Variants in ABCA5 observed in about 807,000 individuals in gnomAD.
ABCA5 encodes the protein ATP binding cassette subfamily A member 5, also known as cholesterol transporter ABCA5.
Under a neutral mutation model 206.0 loss-of-function variants are expected in ABCA5, and 163 were observed. That is an observed-to-expected ratio of 0.79 (90% confidence interval 0.70 to 0.90). The LOEUF (loss-of-function observed/expected upper bound fraction) is 0.90, where lower values mean the gene tolerates loss of function less well. Among genes scored for constraint, ABCA5 ranks in the 40% least tolerant of loss-of-function variants. The probability of loss-of-function intolerance (pLI) is 0.00; values close to 1 mark genes in which losing one functional copy is unlikely to be tolerated. For missense variants in ABCA5, 1,859 were observed against 1,912.9 expected (o/e 0.97, Z 0.53); for synonymous variants, 609 against 613.8 (o/e 0.99, Z 0.11).
chr17:69,273,440 T>TA (rs1337729480), intron 20 of ABCA5, among the ~76,000 whole-genome samples: 13 of 143,318 alleles, frequency 9.1e-5, no homozygotes, highest in African/African-American at 2.9e-4. Flanking sequence ...AGTATAAATT[T>TA]TTTTAACTAT....
chr17:69,261,281 TAA>T (rs2075144200), intron 25 of ABCA5, 22 bp from the exon 26 acceptor site: 1 of 1,578,312 alleles, frequency 6.3e-7, no homozygotes, highest in South Asian at 1.2e-5. Context: ...AATAAATAAA[TAA>T]AAGTGACAAA....
rs1310067019 is a variant in ABCA5, at chr17:69,325,337, T to C, written c.-16+1715A>G. 2.0e-5 allele frequency among the ~76,000 whole-genome samples: 3 copies of C among 151,680 alleles called. No homozygotes were observed. The East Asian group carries it at 5.8e-4, about 29-fold the overall frequency. On this transcript the variant is annotated intron_variant, in intron 1 of 38. Transcript: ENST00000392676. ...AAAAAAAAAATGCTAGTTGTCAATATAATTTAACCTAAATTTTATCACAGT... is the reference window on the plus strand; with the variant it reads ...AAAAAAAAAATGCTAGTTGTCAATACAATTTAACCTAAATTTTATCACAGT...
chr17:69,250,904 G>C (rs1357782454), intron 35 of ABCA5: 3 of 190,292 alleles, frequency 1.6e-5, no homozygotes, highest in African/African-American at 7.1e-5. Flanking sequence ...TTCTATTAGT[G>C]TCCTTTGTTT....
intron 1 of ABCA5, among the ~76,000 whole-genome samples, chr17:69,319,821 T>C (rs548751214): frequency 4.9e-4 from 75 of 152,328 alleles, no homozygotes; most frequent in African/African-American, 1.1e-3. Flanking sequence ...CAAAAAAGCA[T>C]CTTAACCAAT....
At chr17:69,301,023 A>G (rs1470813561) in intron 9 of ABCA5, 116 bp downstream of exon 9, 5 of 878,220 alleles carry the variant, frequency 5.7e-6, no homozygotes, top group African/African-American at 1.7e-5. Flanking sequence ...AGCTTTAACA[A>G]TGAATATGAC....
At chr17:69,283,822 A>AAGTC in intron 18 of ABCA5, 131 bp downstream of exon 18, 3 of 958,640 alleles carry the variant, frequency 3.1e-6, no homozygotes, top group Non-Finnish European at 4.3e-6. Context: ...CACTATCAGT[A>AAGTC]TCTCATTACT....
Position 69,294,260 on chromosome 17 carries a change from T to C in ABCA5, c.1495+395A>G, listed in dbSNP as rs147504999. 1.4e-3 allele frequency among the ~76,000 whole-genome samples: 212 copies of C among 152,264 alleles called. 2 individuals are homozygous for C. Among genetic ancestry groups the C allele is most frequent in the African/African-American group, 4.9e-3 (203 of 41,550 alleles). The stretch of plus-strand genomic sequence containing the variant: ...GACAGGGGCTGGGCGCAGTGGCTCA[T>C]GCCTGTAATTCCAGCACTTTAGGAG... On this transcript the variant is annotated intron_variant, in intron 11 of 38. Transcript: ENST00000392676.
At chr17:69,286,151 C>T (rs1368806258) in intron 16 of ABCA5, 70 bp downstream of exon 16, 1 of 1,544,674 alleles carries the variant, frequency 6.5e-7, no homozygotes, top group Non-Finnish European at 8.8e-7. Context: ...CATATAACAG[C>T]AAGCCTCCAA....
chr17:69,299,212 G>A (rs2075623668), intron 9 of ABCA5, among the ~76,000 whole-genome samples: 1 of 152,104 alleles, frequency 6.6e-6, no homozygotes, highest in Non-Finnish European at 1.5e-5. Flanking sequence ...TTCCACTGTT[G>A]GTGGGAATGT....
intron 6 of ABCA5, among the ~76,000 whole-genome samples, chr17:69,306,441 A>C (rs2075717631): frequency 6.6e-6 from 1 of 152,130 alleles, no homozygotes; most frequent in Non-Finnish European, 1.5e-5. Context: ...AAATACACTG[A>C]AATATACACG....
In ABCA5 at chr17:69,322,295, G is replaced by A. The variant is rs191470707; in HGVS notation, c.-16+4757C>T. ...TGAGGCAGGAGAATCACTCGAACCC[G>A]GGAGGTGAAAGTTGCAGTCAGCTGA... On this transcript the variant is annotated intron_variant, in intron 1 of 38. Coordinates refer to ENST00000392676, the MANE Select transcript of ABCA5 (RefSeq NM_172232.4). Among the ~76,000 whole-genome samples, 28 of 145,648 alleles carry A rather than the reference G, an allele frequency of 1.9e-4. No individual in the cohort carries two copies. The East Asian group carries it at 3.7e-3, about 19-fold the overall frequency.
intron 2 of ABCA5, among the ~76,000 whole-genome samples, 157 bp downstream of exon 2, chr17:69,314,157 T>A (rs2145041770): frequency 6.6e-6 from 1 of 152,242 alleles, no homozygotes; most frequent in South Asian, 2.1e-4. Flanking sequence ...AATTCAGTTA[T>A]TTTTCTGTGG....
chr17:69,308,374 G>A lies in ABCA5; in HGVS notation c.470-6C>T, dbSNP rs747974182. ...ACATGATTTTGAACAGCCAGCTATG[G>A]GGGGAAGAATATGAGATCTAAGATT... On this transcript the variant is annotated splice_polypyrimidine_tract_variant and splice_region_variant and intron_variant, in intron 4 of 38. Transcript: ENST00000392676. 2 of 1,602,540 alleles carry A rather than the reference G, an allele frequency of 1.2e-6. No homozygotes were observed. Among genetic ancestry groups the A allele is most frequent in the Non-Finnish European group, 1.7e-6 (2 of 1,170,542 alleles).
At chr17:69,301,421 C>A (rs2075651507) in intron 8 of ABCA5, 135 bp from the exon 9 acceptor site, 7 of 518,824 alleles carry the variant, frequency 1.3e-5, no homozygotes, top group South Asian at 4.3e-5. Context: ...AACACTTGAC[C>A]AAATTAATAA....
intron 14 of ABCA5, 127 bp from the exon 15 acceptor site, chr17:69,287,878 AT>A (rs886291613): frequency 2.3e-6 from 2 of 879,538 alleles, no homozygotes; most frequent in Non-Finnish European, 3.1e-6. Context: ...ATTAGATCAG[AT>A]TTTTTCATTC....
Position 69,247,297 on chromosome 17 carries a change from A to G in ABCA5, c.*240T>C. ...GTTTCTGAATGGTGAAAAAGATGAC[A>G]TACAAACTATATAGTTCAATATACT... On this transcript the variant is annotated 3_prime_UTR_variant, in exon 39 of 39. Coordinates refer to ENST00000392676, the MANE Select transcript of ABCA5 (RefSeq NM_172232.4). 3.3e-6 allele frequency: 1 copy of G among 305,132 alleles called. No homozygotes were observed. The highest frequency in any genetic ancestry group is 6.0e-6 in the Non-Finnish European group (1 of 167,198). 18.9% of individuals were successfully genotyped at this position (305,132 alleles called of 1,614,324 possible).
intron 11 of ABCA5, among the ~76,000 whole-genome samples, chr17:69,293,566 T>C (rs1377642073): frequency 6.6e-6 from 1 of 152,098 alleles, no homozygotes. Context: ...GTCTTGATAA[T>C]AATGGTAAAC....
chr17:69,318,260 A>G (rs2075833936), intron 1 of ABCA5, among the ~76,000 whole-genome samples: 1 of 151,880 alleles, frequency 6.6e-6, no homozygotes, highest in African/African-American at 2.4e-5. Flanking sequence ...ATGCTCAGCT[A>G]ATTTTTGTAT....
intron 34 of ABCA5, among the ~76,000 whole-genome samples, chr17:69,252,080 C>T (rs1458004404): frequency 6.0e-5 from 9 of 149,416 alleles, no homozygotes; most frequent in Admixed American, 1.4e-4. Context: ...GGCCCGATCT[C>T]GGCTCACTGC....
Sources: gnomAD v4.1 joint callset for allele counts (sites outside exome capture counted in the v4.1 genomes callset) on GRCh38, gnomAD v4.1.1 for gene constraint, MANE v1.5 for transcripts, NCBI Gene and HGNC (gene_info 2026-07-23, HGNC 2026-07-21) for gene names.